PDZRN3: variants seen among roughly 807,000 people sequenced by gnomAD.
PDZRN3 encodes PDZ domain containing ring finger 3, also known as E3 ubiquitin-protein ligase PDZRN3.
Under a neutral mutation model 85.7 loss-of-function variants are expected in PDZRN3, and 38 were observed. The observed-to-expected ratio is 0.44, with a 90% CI of 0.34 to 0.58. PDZRN3 has a LOEUF of 0.58. PDZRN3 is among the 20% of genes least tolerant of loss of function. The pLI is 0.01. For missense variants in PDZRN3, 1,629 were observed against 1,506.4 expected (o/e 1.08, Z -1.35); for synonymous variants, 759 against 638.0 (o/e 1.19, Z -2.86).
At chr3:73,495,120 G>A (rs918009911) in intron 3 of PDZRN3, among the ~76,000 whole-genome samples, 1 of 152,076 alleles carries the variant, frequency 6.6e-6, no homozygotes, top group Non-Finnish European at 1.5e-5. Flanking sequence ...TCAGCATCAC[G>A]CAATATGCCC....
At chr3:73,443,505 G>GC in intron 3 of PDZRN3, among the ~76,000 whole-genome samples, 1 of 143,100 alleles carries the variant, frequency 7.0e-6, no homozygotes, top group African/African-American at 2.8e-5. Flanking sequence ...TTTTGGGGGG[G>GC]GGACAGCGCT....
intron 3 of PDZRN3, among the ~76,000 whole-genome samples, chr3:73,438,808 GAC>G (rs1702579594): frequency 6.6e-6 from 1 of 152,192 alleles, no homozygotes; most frequent in Non-Finnish European, 1.5e-5. Flanking sequence ...TCAAGCTCAA[GAC>G]ACAGCCCAAT....
intron 3 of PDZRN3, among the ~76,000 whole-genome samples, chr3:73,526,469 A>G (rs1475134425): frequency 6.6e-6 from 1 of 152,160 alleles, no homozygotes; most frequent in Admixed American, 6.6e-5. Flanking sequence ...TCAGAACATT[A>G]TCTCCATTAC....
Position 73,569,437 on chromosome 3 carries a change from T to G in PDZRN3, c.918+32917A>C. On this transcript the variant is annotated intron_variant, in intron 3 of 9. Coordinates refer to ENST00000263666, the MANE Select transcript of PDZRN3 (RefSeq NM_015009.3). ...TATTTCCTGTCTCTTCCATGTCACG[T>G]TCTCTTAAGCCCCGAGGCGTCTACA... The G allele has an allele frequency of 2.6e-6, 3 of 1,146,424 alleles. No individual in the cohort carries two copies. The South Asian group carries it at 5.6e-5, about 22-fold the overall frequency. 71.0% of individuals were successfully genotyped at this position (1,146,424 alleles called of 1,614,324 possible).
intron 3 of PDZRN3, among the ~76,000 whole-genome samples, chr3:73,472,778 T>C (rs1346494638): frequency 6.6e-6 from 1 of 152,208 alleles, no homozygotes; most frequent in African/African-American, 2.4e-5. Flanking sequence ...AAATTATGGG[T>C]AGCTGGTATC....
intron 3 of PDZRN3, among the ~76,000 whole-genome samples, chr3:73,537,589 A>G (rs891795695): frequency 1.3e-5 from 2 of 150,718 alleles, no homozygotes; most frequent in Admixed American, 6.6e-5. Context: ...TGAAAGGCCA[A>G]TAAGACCTGT....
At chr3:73,476,077 C>T (rs1048994185) in intron 3 of PDZRN3, among the ~76,000 whole-genome samples, 5 of 152,212 alleles carry the variant, frequency 3.3e-5, no homozygotes, top group African/African-American at 1.2e-4. Flanking sequence ...GGCAGTCAGC[C>T]TCCAACATGG....
Position 73,574,760 on chromosome 3 carries a change from A to T in PDZRN3, c.918+27594T>A, listed in dbSNP as rs1352720826. Among the ~76,000 whole-genome samples the T allele has an allele frequency of 2.0e-5, 3 of 152,242 alleles. No individual in the cohort carries two copies. The East Asian group carries it at 5.8e-4, about 29-fold the overall frequency. On this transcript the variant is annotated intron_variant, in intron 3 of 9. Coordinates refer to ENST00000263666, the MANE Select transcript of PDZRN3 (RefSeq NM_015009.3). ...CTTTTAATACAGCAAACTTAGCCAAAGGGCAGAAACCAGTATCGACTAAAT... is the reference window on the plus strand; with the variant it reads ...CTTTTAATACAGCAAACTTAGCCAATGGGCAGAAACCAGTATCGACTAAAT...
At position 73,600,337 on chromosome 3, in the gene PDZRN3, A is replaced by ACACACACT. The variant is rs34405662; in HGVS notation, c.918+2016_918+2017insAGTGTGTG. 6.6e-3 allele frequency among the ~76,000 whole-genome samples: 660 copies of ACACACACT among 100,086 alleles called. 7 individuals are homozygous for ACACACACT. Among genetic ancestry groups the ACACACACT allele is most frequent in the African/African-American group, 0.01 (242 of 23,436 alleles). 65.7% of individuals were successfully genotyped at this position (100,086 alleles called of 152,430 possible). The stretch of plus-strand genomic sequence containing the variant: ...CACACACACACACACACACACACAC[A>ACACACACT]CTCTCTCTCTCTCTCTCTCTCTCTC... On this transcript the variant is annotated intron_variant, in intron 3 of 9. Transcript: ENST00000263666.
At chr3:73,439,103 C>T (rs925407623) in intron 3 of PDZRN3, among the ~76,000 whole-genome samples, 1 of 152,200 alleles carries the variant, frequency 6.6e-6, no homozygotes, top group Non-Finnish European at 1.5e-5. Flanking sequence ...TTTCTGTTTG[C>T]ATCCCTCTGT....
chr3:73,398,038 A>G (rs2106712308), intron 5 of PDZRN3, among the ~76,000 whole-genome samples: 1 of 152,340 alleles, frequency 6.6e-6, no homozygotes, highest in East Asian at 1.9e-4. Context: ...TTAATGTAAG[A>G]GACAATAAAA....
intron 3 of PDZRN3, among the ~76,000 whole-genome samples, chr3:73,534,867 A>T (rs1410560571): frequency 1.3e-5 from 2 of 152,176 alleles, no homozygotes; most frequent in Non-Finnish European, 2.9e-5. Flanking sequence ...CTGGTTTACA[A>T]AGGACAGCAT....
At position 73,562,983 on chromosome 3, in the gene PDZRN3, TTATATATATATATA is replaced by T. The variant is rs56679097; in HGVS notation, c.918+39357_918+39370del. On this transcript the variant is annotated intron_variant, in intron 3 of 9. Transcript: ENST00000263666. Reference sequence around the variant, plus strand: ...TAACCATGGGCTGCAAGTTGGCAAATTATATATATATATATATATATATATATATATTTTTTTTT... The same window carrying T: ...TAACCATGGGCTGCAAGTTGGCAAATTATATATATATATATATTTTTTTTT... Among the ~76,000 whole-genome samples the T allele has an allele frequency of 1.5e-3, 28 of 18,958 alleles. 1 individual carries two copies. The highest frequency in any genetic ancestry group is 9.6e-3 in the East Asian group (2 of 208). The allele number at this position is 18,958 out of a possible 152,430, so 12.4% of individuals were successfully genotyped here. A position where few individuals can be genotyped will look rare whatever the true frequency, so the allele number is the denominator to read the frequency against.
chr3:73,521,359 G>A (rs1031917996), intron 3 of PDZRN3, among the ~76,000 whole-genome samples: 41 of 152,250 alleles, frequency 2.7e-4, no homozygotes, highest in Non-Finnish European at 2.1e-4. Context: ...AAGCTTCAGA[G>A]GATCAAAATG....
intron 2 of PDZRN3, 98 bp downstream of exon 2, chr3:73,608,500 G>C: frequency 1.3e-6 from 1 of 778,508 alleles, no homozygotes. Context: ...AGAATGAAGT[G>C]AGCAAAGTTT....
At position 73,433,877 on chromosome 3, in the gene PDZRN3, C is replaced by T. The variant is rs183591847; in HGVS notation, c.919-29482G>A. The stretch of plus-strand genomic sequence containing the variant: ...GAGGCTAGACAACAACTCTCTCCCC[C>T]CTTCCACGCTTCCCTTCCTCCCCTC... On this transcript the variant is annotated intron_variant, in intron 3 of 9. Transcript: ENST00000263666. 117 of 1,433,376 alleles carry T rather than the reference C, an allele frequency of 8.2e-5. No homozygotes were observed. In the African/African-American group the frequency reaches 9.7e-4, roughly 12 times the overall value. The allele number at this position is 1,433,376 out of a possible 1,614,324, so 88.8% of individuals were successfully genotyped here.
At chr3:73,476,479 G>A (rs1293204083) in intron 3 of PDZRN3, among the ~76,000 whole-genome samples, 3 of 152,064 alleles carry the variant, frequency 2.0e-5, no homozygotes, top group Non-Finnish European at 4.4e-5. Flanking sequence ...TCAACATTGG[G>A]GTTTACAATT....
intron 3 of PDZRN3, chr3:73,433,952 A>G: frequency 1.0e-5 from 14 of 1,347,154 alleles, no homozygotes; most frequent in Non-Finnish European, 1.3e-5. Flanking sequence ...ATACACACAG[A>G]CATACACGCA....
chr3:73,387,873 G>A (rs1559649516), intron 8 of PDZRN3, 95 bp downstream of exon 8: 3 of 638,020 alleles, frequency 4.7e-6, no homozygotes, highest in Admixed American at 2.6e-5. Context: ...GCACCTTCAA[G>A]TTCGCAGCCA....
Sources: gnomAD v4.1 joint callset for allele counts (sites outside exome capture counted in the v4.1 genomes callset) on GRCh38, gnomAD v4.1.1 for gene constraint, MANE v1.5 for transcripts, NCBI Gene and HGNC (gene_info 2026-07-23, HGNC 2026-07-21) for gene names.